NUCB1: variants seen among roughly 807,000 people sequenced by gnomAD.
The protein encoded by NUCB1 is nucleobindin 1.
NUCB1 carries 47 observed loss-of-function variants against 61.2 expected under a neutral mutation model. That is an observed-to-expected ratio of 0.77 (90% CI 0.61 to 0.98). The LOEUF (loss-of-function observed/expected upper bound fraction) is 0.98, where lower values mean the gene tolerates loss of function less well. Ranked by LOEUF, NUCB1 falls within the 50% of genes least tolerant of loss-of-function variation. The pLI is 0.00. For synonymous variants in NUCB1, 234 were observed against 243.1 expected, an observed-to-expected ratio of 0.96 and a Z score of 0.35; for missense variants, 583 against 605.3, an observed-to-expected ratio of 0.96 and a Z score of 0.39.
intron 12 of NUCB1, among the ~76,000 whole-genome samples, 163 bp from the exon 13 acceptor site, chr19:48,922,155 G>A (rs1005313614): frequency 2.2e-5 from 3 of 135,650 alleles, no homozygotes; most frequent in Non-Finnish European, 4.5e-5. Context: ...TGGGACCCCT[G>A]GGTGTGAGTG....
chr19:48,921,851 A>AAGCAGCAGC lies in NUCB1; in HGVS notation c.1212_1220dup (p.Gln405_Gln407dup), dbSNP rs761983123. On this transcript the variant is annotated inframe_insertion, in exon 12 of 13. Transcript: ENST00000405315. Reference sequence around the variant, plus strand: ...GGCTGTGCTGCACATGGAGCAGCGGAAGCAGCAGCAGCAGCAGCAGCAAGG... The same window carrying AAGCAGCAGC: ...GGCTGTGCTGCACATGGAGCAGCGGAAGCAGCAGCAGCAGCAGCAGCAGCAGCAGCAAGG... The AAGCAGCAGC allele has an allele frequency of 2.2e-5, 35 of 1,612,320 alleles. No homozygotes were observed. The highest frequency in any genetic ancestry group is 8.9e-5 in the East Asian group (4 of 44,870).
chr19:48,904,388 C>A lies in NUCB1; in HGVS notation c.177C>A (p.Ile59=), dbSNP rs376450308. The change falls in exon 3 of 13, where the codon ATC becomes ATA. Residue 59 remains isoleucine, a synonymous_variant. Coordinates refer to ENST00000405315, the MANE Select transcript of NUCB1 (RefSeq NM_006184.6). Reference sequence around the variant, plus strand: ...ACCACCGGTACCTCCAGGAGGTCATCGATGTACTGGAGACGGATGGGCATT... The same window carrying A: ...ACCACCGGTACCTCCAGGAGGTCATAGATGTACTGGAGACGGATGGGCATT... ...LYYHRYLQEV[I]DVLETDGHFR... is the part of the protein sequence containing the mutation. The A allele has an allele frequency of 6.2e-7, 1 of 1,613,176 alleles. No individual in the cohort carries two copies. The highest frequency in any genetic ancestry group is 8.5e-7 in the Non-Finnish European group (1 of 1,179,680).
At chr19:48,908,190 G>A (rs555591142) in intron 4 of NUCB1, among the ~76,000 whole-genome samples, 2 of 152,260 alleles carry the variant, frequency 1.3e-5, no homozygotes, top group African/African-American at 4.8e-5. Context: ...GAGTGCAGTG[G>A]CGCGATCTCG....
chr19:48,918,639 C>G (rs2037567604), intron 7 of NUCB1, 87 bp from the exon 8 acceptor site: 4 of 1,061,832 alleles, frequency 3.8e-6, no homozygotes, highest in Non-Finnish European at 5.9e-6. Context: ...ATAACAGACC[C>G]CACATCAGCC....
intron 2 of NUCB1, 119 bp downstream of exon 2, chr19:48,901,050 GT>G (rs772738350): frequency 6.4e-6 from 8 of 1,240,762 alleles, no homozygotes; most frequent in Non-Finnish European, 9.3e-6. Context: ...GTTGTAGCTT[GT>G]TTTTTGCCCA....
In NUCB1 at chr19:48,922,823, G is replaced by T. The variant is rs111400103; in HGVS notation, c.*399G>T. ...GCATCCTGTATGCCCACAGCTACTG[G>T]AATCCCCGCTGCTGCTCCGGGCCAA... is the stretch of plus-strand genomic sequence containing the variant. On this transcript the variant is annotated 3_prime_UTR_variant, in exon 13 of 13. Transcript: ENST00000405315. 388 of 190,428 alleles carry T rather than the reference G, an allele frequency of 2.0e-3. 3 individuals carry two copies. The highest frequency in any genetic ancestry group is 8.8e-3 in the African/African-American group (373 of 42,572). The allele number at this position is 190,428 out of a possible 1,614,324, so 11.8% of individuals were successfully genotyped here.
At position 48,911,235 on chromosome 19, in the gene NUCB1, G is replaced by A. The variant is rs1419943185; in HGVS notation, c.463G>A (p.Glu155Lys). The change falls in exon 5 of 13, where the codon GAG becomes AAG. Residue 155 changes from glutamate to lysine, a missense_variant. Coordinates refer to ENST00000405315, the MANE Select transcript of NUCB1 (RefSeq NM_006184.6). ...NQHTFEARDLELLIQTATRDL... is the reference protein window; with the variant it reads ...NQHTFEARDLKLLIQTATRDL... ...GCATACATTCGAGGCCCGCGACCTG[G>A]AGCTGCTGATCCAGACGGTAATGGG... The A allele has an allele frequency of 1.2e-6, 2 of 1,613,538 alleles. No individual in the cohort carries two copies. The highest frequency in any genetic ancestry group is 2.2e-5 in the East Asian group (1 of 44,856).
intron 4 of NUCB1, among the ~76,000 whole-genome samples, chr19:48,906,166 G>C (rs190123978): frequency 6.6e-6 from 1 of 152,252 alleles, no homozygotes; most frequent in Non-Finnish European, 1.5e-5. Flanking sequence ...AGTACTTTGG[G>C]AGGCTGAGGC....
In NUCB1 at chr19:48,922,323, G is replaced by T. The variant is rs757271319; in HGVS notation, c.1285G>T (p.Val429Leu). ...TTCCCTCCCTCCATTTCCAGACGATGTACCTGTCCCAGCTCCAGCCGGTGA... is the reference window on the plus strand; with the variant it reads ...TTCCCTCCCTCCATTTCCAGACGATTTACCTGTCCCAGCTCCAGCCGGTGA... ...QLKFHPDTDD[V>L]PVPAPAGDQK... Residue 429 changes from valine (V) to leucine (L), a missense_variant, in exon 13 of 13, where the codon GTA (valine) becomes TTA (leucine). Physicochemically the swap from Val to Leu is conservative, Grantham distance 32 (BLOSUM62 1). Transcript: ENST00000405315. 1.2e-6 allele frequency: 2 copies of T among 1,613,330 alleles called. No individual in the cohort carries two copies. Among genetic ancestry groups the T allele is most frequent in the Admixed American group, 1.7e-5 (1 of 59,960 alleles).
intron 4 of NUCB1, among the ~76,000 whole-genome samples, chr19:48,909,245 TATTA>T (rs1297677389): frequency 1.5e-5 from 2 of 132,028 alleles, no homozygotes; most frequent in African/African-American, 7.9e-5. Context: ...TTATTATTAT[TATTA>T]TTTTTTTTTT....
chr19:48,918,884 GAAA>G, intron 8 of NUCB1, 100 bp downstream of exon 8: 1 of 1,345,408 alleles, frequency 7.4e-7, no homozygotes, highest in Non-Finnish European at 1.1e-6. Context: ...GGAGCTCAGT[GAAA>G]ACTACAACTC....
rs769496252 is a variant in NUCB1, at chr19:48,921,292, C to T, written c.1141C>T (p.Arg381Cys). Residue 381 changes from arginine (R) to cysteine (C), a missense_variant, in exon 11 of 13, where the codon CGC becomes TGC. By Grantham distance (180) the Arg-to-Cys change is radical. Transcript: ENST00000405315. ...ETEALGRSQG[R>C]LEAQKRELQQ... ...AGAGGCTCTAGGGCGGTCCCAGGGC[C>T]GCCTGGAGGCCCAGAAGAGAGAGCT... 6.3e-6 allele frequency: 10 copies of T among 1,596,230 alleles called. No individual in the cohort carries two copies. The highest frequency in any genetic ancestry group is 1.7e-5 in the Admixed American group (1 of 57,232).
intron 4 of NUCB1, among the ~76,000 whole-genome samples, chr19:48,909,268 A>T (rs2037447236): frequency 6.7e-6 from 1 of 149,412 alleles, no homozygotes. Context: ...TTTTTCCAAG[A>T]CAGAGTTTTG....
chr19:48,921,097 C>G, intron 10 of NUCB1, 57 bp from the exon 11 acceptor site: 1 of 1,535,850 alleles, frequency 6.5e-7, no homozygotes, highest in Admixed American at 2.0e-5. Flanking sequence ...CCCTCTCCAA[C>G]ATGGGTGGGC....
chr19:48,908,168 T>C (rs1232320385), intron 4 of NUCB1, among the ~76,000 whole-genome samples: 1 of 152,126 alleles, frequency 6.6e-6, no homozygotes, highest in Non-Finnish European at 1.5e-5. Flanking sequence ...TCTCACTCTG[T>C]CGCCCAGGCT....
rs1437725987 is a variant in NUCB1 at position 48,922,455 on chromosome 19, G to A, written c.*31G>A. 1.3e-6 allele frequency: 2 copies of A among 1,561,870 alleles called. No homozygotes were observed. The highest frequency in any genetic ancestry group is 1.8e-6 in the Non-Finnish European group (2 of 1,133,074). ...CGGGACCCCAGCCCTCAGGATTCCT[G>A]ATGCTCCAAGGCGACTGATGGGCGC... On this transcript the variant is annotated 3_prime_UTR_variant, in exon 13 of 13. Transcript: ENST00000405315.
At chr19:48,912,965 G>T in intron 5 of NUCB1, 46 bp from the exon 6 acceptor site, 2 of 1,483,760 alleles carry the variant, frequency 1.3e-6, no homozygotes, top group Non-Finnish European at 9.1e-7. Flanking sequence ...GGAATTGGGG[G>T]CTGGGCAGAG....
At position 48,913,575 on chromosome 19, in the gene NUCB1, G is replaced by T. The variant is rs1255118719; in HGVS notation, c.757+11G>T. On this transcript the variant is annotated intron_variant, in intron 7 of 12. Coordinates refer to ENST00000405315, the MANE Select transcript of NUCB1 (RefSeq NM_006184.6). Reference sequence around the variant, plus strand: ...TCTTCATACTGCATGGTAAGGTGGGGAGGGAGTTCCAGAGCCAGGATGAAC... The same window carrying T: ...TCTTCATACTGCATGGTAAGGTGGGTAGGGAGTTCCAGAGCCAGGATGAAC... 2.5e-6 allele frequency: 4 copies of T among 1,608,478 alleles called. No individual in the cohort carries two copies. The highest frequency in any genetic ancestry group is 2.7e-5 in the African/African-American group (2 of 74,814).
chr19:48,900,838 G>C lies in NUCB1; in HGVS notation c.42G>C (p.Pro14=), dbSNP rs755142107. 1 of 1,612,712 alleles carries C rather than the reference G, an allele frequency of 6.2e-7. No homozygotes were observed. The highest frequency in any genetic ancestry group is 2.2e-5 in the East Asian group (1 of 44,868). The change falls in exon 2 of 13, where the codon CCG becomes CCC. Residue 14 remains proline, a synonymous_variant. Coordinates refer to ENST00000405315, the MANE Select transcript of NUCB1 (RefSeq NM_006184.6). ...CCCGAGGAACCCTCCTTCTGTTGCC[G>C]CTGCTGCTGCTGCTCCTGCTTCGCG... ...SGPRGTLLLL[P]LLLLLLLRAV...
Sources: allele counts gnomAD v4.1 joint callset (sites outside exome capture counted in the v4.1 genomes callset), GRCh38; gene constraint gnomAD v4.1.1; transcripts MANE v1.5; gene names NCBI Gene and HGNC (gene_info 2026-07-23, HGNC 2026-07-21).